Variants in ABCF1 observed in about 807,000 individuals in gnomAD.
ABCF1 encodes ATP-binding cassette sub-family F member 1.
Under a neutral mutation model 126.3 loss-of-function variants are expected in ABCF1, and 73 were observed. That is an observed-to-expected ratio of 0.58 (90% CI 0.48 to 0.70). ABCF1 has a LOEUF of 0.70. Among genes scored for constraint, ABCF1 ranks in the 30% least tolerant of loss-of-function variants. ABCF1 has a pLI of 0.00. For missense variants in ABCF1, 786 were observed against 1,057.5 expected (o/e 0.74, Z 3.56); for synonymous variants, 345 against 396.4 (o/e 0.87, Z 1.54).
chr6:30,578,885 A>T (rs1801655943), intron 6 of ABCF1, among the ~76,000 whole-genome samples: 3 of 152,250 alleles, frequency 2.0e-5, no homozygotes, highest in Middle Eastern at 6.8e-3. Flanking sequence ...CTGTAATCCC[A>T]GCTACTTGGA....
intron 2 of ABCF1, 149 bp from the exon 3 acceptor site, chr6:30,577,669 C>T: frequency 2.1e-6 from 2 of 947,070 alleles, no homozygotes; most frequent in African/African-American, 1.6e-5. Flanking sequence ...GACCTGCACA[C>T]TCCATTCTCC....
rs139359232 is a variant in ABCF1, at chr6:30,590,616, G to C, written c.2453G>C (p.Ser818Thr). ...QLWVVEEQSVSQIDGDFEDYK... is the reference protein window; with the variant it reads ...QLWVVEEQSVTQIDGDFEDYK... Reference sequence around the variant, plus strand: ...TGGGTGGTGGAGGAGCAGAGTGTTAGCCAAATCGATGGTGACTTTGAAGAC... The same window carrying C: ...TGGGTGGTGGAGGAGCAGAGTGTTACCCAAATCGATGGTGACTTTGAAGAC... The change falls in exon 25 of 25, where the codon AGC becomes ACC. Residue 818 changes from serine to threonine, a missense_variant. Transcript: ENST00000326195. 11 of 1,613,076 alleles carry C rather than the reference G, an allele frequency of 6.8e-6. No homozygotes were observed. Among genetic ancestry groups the C allele is most frequent in the Non-Finnish European group, 9.3e-6 (11 of 1,180,028 alleles).
At chr6:30,590,020 A>G (rs577149377) in intron 22 of ABCF1, 46 bp downstream of exon 22, 2 of 1,607,934 alleles carry the variant, frequency 1.2e-6, no homozygotes, top group South Asian at 1.1e-5. Context: ...CTTATCATTC[A>G]TGTCTACAAA....
intron 8 of ABCF1, among the ~76,000 whole-genome samples, chr6:30,582,089 C>T (rs1801845186): frequency 6.6e-6 from 1 of 150,876 alleles, no homozygotes; most frequent in South Asian, 2.1e-4. Flanking sequence ...CGGAGTCTTG[C>T]TTTGTCACCC....
Position 30,582,495 on chromosome 6 carries a change from G to A in ABCF1, c.780G>A (p.Lys260=). 1 of 1,612,796 alleles carries A rather than the reference G, an allele frequency of 6.2e-7. No individual in the cohort carries two copies. The highest frequency in any genetic ancestry group is 1.1e-5 in the South Asian group (1 of 91,048). ...ATCTTAGCAAAAAGGAGAAGAAAAAGCTGAAAAAACAGGTAAGACCTTGGT... is the reference window on the plus strand; with the variant it reads ...ATCTTAGCAAAAAGGAGAAGAAAAAACTGAAAAAACAGGTAAGACCTTGGT... ...YAHLSKKEKK[K]LKKQMEYERQ... is the part of the protein sequence containing the mutation. Residue 260 remains lysine, a synonymous_variant, in exon 9 of 25, where the codon AAG becomes AAA. Coordinates refer to ENST00000326195, the MANE Select transcript of ABCF1 (RefSeq NM_001025091.2).
Position 30,583,729 on chromosome 6 carries a change from GA to G in ABCF1, c.1016+22del, listed in dbSNP as rs1464862853. ...AATGGGTGAGAAGAGGAGGGAGCTG[GA>G]GGCAAAAAAGGGCCTGGAGGGAAAA... is the stretch of plus-strand genomic sequence containing the variant. On this transcript the variant is annotated intron_variant, in intron 11 of 24. Transcript: ENST00000326195. The surrounding 1 kb of genome is among the most constrained non-coding windows in gnomAD (Gnocchi z 4.1). 6.2e-7 allele frequency: 1 copy of G among 1,613,634 alleles called. No homozygotes were observed. Among genetic ancestry groups the G allele is most frequent in the African/African-American group, 1.3e-5 (1 of 74,962 alleles).
rs138888330 is a variant in ABCF1 at position 30,574,019 on chromosome 6, A to G, written c.73+2459A>G. ...GAGAAGACACAGTATATCTCTAGCC[A>G]CACTTAATCTTTTTCAGTTCCTTGG... is the stretch of plus-strand genomic sequence containing the variant. On this transcript the variant is annotated intron_variant, in intron 1 of 24. Transcript: ENST00000326195. This position sits in a 1 kb window ranked among gnomAD's most constrained non-coding sequence, Gnocchi z 4.3. Among the ~76,000 whole-genome samples, 271 of 152,342 alleles carry G rather than the reference A, an allele frequency of 1.8e-3. 1 individual carries two copies. Among genetic ancestry groups the G allele is most frequent in the African/African-American group, 5.7e-3 (236 of 41,570 alleles).
chr6:30,591,401 CCTCTTCCCCACTAAATGGATCTTGTTTG>C lies in ABCF1; in HGVS notation c.*702_*729del. ...GTTTTCTAGCAGCTTTTAATAGTCCCCTCTTCCCCACTAAATGGATCTTGTTTGCAGTCTTGCTGACAGTGTTTGCTGT... is the reference window on the plus strand; with the variant it reads ...GTTTTCTAGCAGCTTTTAATAGTCCCCAGTCTTGCTGACAGTGTTTGCTGT... On this transcript the variant is annotated 3_prime_UTR_variant, in exon 25 of 25. Coordinates refer to ENST00000326195, the MANE Select transcript of ABCF1 (RefSeq NM_001025091.2). The C allele has an allele frequency of 6.6e-6, 1 of 152,276 alleles. No homozygotes were observed. Among genetic ancestry groups the C allele is most frequent in the East Asian group, 1.9e-4 (1 of 5,178 alleles). The allele number at this position is 152,276 out of a possible 1,614,324, so 9.4% of individuals were successfully genotyped here.
In ABCF1 at chr6:30,589,814, C is replaced by T; in HGVS notation, c.2073C>T (p.Gly691=). The T allele has an allele frequency of 6.2e-7, 1 of 1,614,164 alleles. No homozygotes were observed. The highest frequency in any genetic ancestry group is 1.1e-5 in the South Asian group (1 of 91,088). Residue 691 remains glycine (G), a synonymous_variant, in exon 22 of 25, where the codon GGC becomes GGT. Coordinates refer to ENST00000326195, the MANE Select transcript of ABCF1 (RefSeq NM_001025091.2). The part of the protein sequence containing the change: ...EMRKNHRLKI[G]FFNQQYAEQL... ...CCTCTCTTCTCGGGCAGAAAATTGG[C>T]TTCTTCAACCAGCAGTATGCAGAGC...
chr6:30,577,504 G>A (rs1801566121), intron 2 of ABCF1, 49 bp downstream of exon 2: 1 of 1,597,570 alleles, frequency 6.3e-7, no homozygotes, highest in Non-Finnish European at 8.5e-7. Flanking sequence ...ATGTTTCCAA[G>A]CTAAATAAAT....
At chr6:30,585,420 GC>G in intron 15 of ABCF1, 77 bp downstream of exon 15, 1 of 1,585,252 alleles carries the variant, frequency 6.3e-7, no homozygotes, top group Non-Finnish European at 8.7e-7. Flanking sequence ...TTTTCCTTTA[GC>G]CCTTCTCCAC....
chr6:30,587,343 A>G (rs1416011155), intron 20 of ABCF1, among the ~76,000 whole-genome samples: 1 of 152,012 alleles, frequency 6.6e-6, no homozygotes, highest in Non-Finnish European at 1.5e-5. Flanking sequence ...ACTTGAGCTT[A>G]GGAGTTAAAA....
Position 30,574,849 on chromosome 6 carries a change from A to G in ABCF1, c.74-2560A>G, listed in dbSNP as rs940483434. 6.6e-6 allele frequency among the ~76,000 whole-genome samples: 1 copy of G among 152,150 alleles called. No individual in the cohort carries two copies. The highest frequency in any genetic ancestry group is 2.4e-5 in the African/African-American group (1 of 41,440). ...CATAAAGGAACAGAAAGAAGCCAGTATCGAGACCAGAGGTGTGGGTAGGGA... is the reference window on the plus strand; with the variant it reads ...CATAAAGGAACAGAAAGAAGCCAGTGTCGAGACCAGAGGTGTGGGTAGGGA... On this transcript the variant is annotated intron_variant, in intron 1 of 24. Coordinates refer to ENST00000326195, the MANE Select transcript of ABCF1 (RefSeq NM_001025091.2). The surrounding 1 kb of genome is among the most constrained non-coding windows in gnomAD (Gnocchi z 4.3).
intron 6 of ABCF1, 30 bp downstream of exon 6, chr6:30,578,607 C>T (rs367659586): frequency 6.3e-7 from 1 of 1,587,022 alleles, no homozygotes; most frequent in South Asian, 1.1e-5. Context: ...CAGTCACTCT[C>T]ACTCCATTTA....
chr6:30,584,613 G>A lies in ABCF1; in HGVS notation c.1391+47G>A. 1 of 1,537,908 alleles carries A rather than the reference G, an allele frequency of 6.5e-7. No homozygotes were observed. The highest frequency in any genetic ancestry group is 8.7e-7 in the Non-Finnish European group (1 of 1,147,704). ...CCTCCCTTCCAGCCTCAGACCACCG[G>A]GGCCCTTTTCCTCTTTCCCTTCTCA... On this transcript the variant is annotated intron_variant, in intron 14 of 24. Transcript: ENST00000326195. The surrounding 1 kb of genome is among the most constrained non-coding windows in gnomAD (Gnocchi z 4.6).
chr6:30,589,174 T>C (rs1205842760), intron 20 of ABCF1, among the ~76,000 whole-genome samples: 2 of 152,054 alleles, frequency 1.3e-5, no homozygotes, highest in Non-Finnish European at 1.5e-5. Context: ...AATTATTGTA[T>C]TTTTAGTAGA....
chr6:30,573,185 G>A (rs1163066634), intron 1 of ABCF1, among the ~76,000 whole-genome samples: 1 of 152,156 alleles, frequency 6.6e-6, no homozygotes, highest in Non-Finnish European at 1.5e-5. Flanking sequence ...AAGGCCTGAA[G>A]AATAAAGAGT....
intron 8 of ABCF1, among the ~76,000 whole-genome samples, chr6:30,581,253 A>C (rs1801801450): frequency 6.6e-6 from 1 of 151,998 alleles, no homozygotes; most frequent in African/African-American, 2.4e-5. Flanking sequence ...CCTTGAATAC[A>C]TCTTCCCATC....
chr6:30,589,431 G>A (rs554877719), intron 20 of ABCF1: 24 of 548,890 alleles, frequency 4.4e-5, no homozygotes, highest in South Asian at 1.5e-4. Context: ...GTGAAATCCC[G>A]TCTCTACTAA....
Sources: allele counts gnomAD v4.1 joint callset (sites outside exome capture counted in the v4.1 genomes callset), GRCh38; gene constraint gnomAD v4.1.1; non-coding constraint Gnocchi (gnomAD v3.1); transcripts MANE v1.5; gene names NCBI Gene and HGNC (gene_info 2026-07-23, HGNC 2026-07-21).